The following RBFOX1 variants were observed in gnomAD, a reference collection of about 807,000 sequenced individuals.
The protein encoded by RBFOX1 is RNA binding fox-1 homolog 1.
RBFOX1 carries 8 observed loss-of-function variants against 57.7 expected under a neutral mutation model. The ratio of observed to expected loss-of-function variants is 0.14; its 90% confidence interval spans 0.08 to 0.25. RBFOX1 has a LOEUF of 0.25. Among genes scored for constraint, RBFOX1 ranks in the 10% least tolerant of loss-of-function variants. The pLI, the probability that RBFOX1 is intolerant of heterozygous loss-of-function variation, is 1.00. For synonymous variants in RBFOX1, 326 were observed against 222.4 expected, an observed-to-expected ratio of 1.47 and a Z score of -4.15; for missense variants, 611 against 548.5, an observed-to-expected ratio of 1.11 and a Z score of -1.14.
At chr16:7,636,389 A>C (rs1181792692) in intron 11 of RBFOX1, among the ~76,000 whole-genome samples, 1 of 152,216 alleles carries the variant, frequency 6.6e-6, no homozygotes, top group Admixed American at 6.5e-5. Context: ...TTGAATTTCC[A>C]GTATACATCT....
At chr16:6,767,195 C>G (rs1001314800) in intron 3 of RBFOX1, among the ~76,000 whole-genome samples, 6 of 152,110 alleles carry the variant, frequency 3.9e-5, no homozygotes, top group African/African-American at 1.4e-4. Flanking sequence ...GGAACCTAAA[C>G]CTAGCCAGCT....
chr16:7,044,128 C>G (rs889275061), intron 3 of RBFOX1, among the ~76,000 whole-genome samples: 1 of 151,986 alleles, frequency 6.6e-6, no homozygotes, highest in Non-Finnish European at 1.5e-5. Context: ...GCACTTAGGA[C>G]AGTGTCTGAC....
intron 3 of RBFOX1, among the ~76,000 whole-genome samples, chr16:6,895,456 A>G (rs761868035): frequency 0.017 from 1,313 of 79,242 alleles, 6 homozygotes; most frequent in Non-Finnish European, 0.021. Context: ...GTGTATATAT[A>G]TATATATATA....
At chr16:7,101,204 C>T (rs1174072060) in intron 4 of RBFOX1, among the ~76,000 whole-genome samples, 1 of 152,136 alleles carries the variant, frequency 6.6e-6, no homozygotes, top group Non-Finnish European at 1.5e-5. Context: ...ATGCAGGCCC[C>T]ATTTTTGTGA....
chr16:7,653,237 A>G (rs542308630), intron 11 of RBFOX1, among the ~76,000 whole-genome samples: 3 of 152,204 alleles, frequency 2.0e-5, no homozygotes, highest in Non-Finnish European at 4.4e-5. Flanking sequence ...TGGTTGGTCC[A>G]TAACTGTAAT....
intron 1 of RBFOX1, among the ~76,000 whole-genome samples, chr16:6,284,411 A>G (rs1456593616): frequency 2.6e-5 from 4 of 152,124 alleles, no homozygotes; most frequent in South Asian, 2.1e-4. Context: ...TGAGGCCCTC[A>G]CATATAATAT....
chr16:6,988,698 G>A (rs1188409845), intron 3 of RBFOX1, among the ~76,000 whole-genome samples: 1 of 149,854 alleles, frequency 6.7e-6, no homozygotes, highest in East Asian at 1.9e-4. Flanking sequence ...CTGAGCAGCT[G>A]GGATTACAGG....
At chr16:7,008,429 A>T (rs564374013) in intron 3 of RBFOX1, among the ~76,000 whole-genome samples, 6 of 151,894 alleles carry the variant, frequency 4.0e-5, no homozygotes, top group Admixed American at 2.0e-4. Flanking sequence ...AATTCCAGAC[A>T]CTCAGAAGTC....
At chr16:5,459,906 T>G (rs545166065) in intron 1 of RBFOX1, among the ~76,000 whole-genome samples, 1 of 152,244 alleles carries the variant, frequency 6.6e-6, no homozygotes, top group Non-Finnish European at 1.5e-5. Context: ...CACCTTAATC[T>G]TCACTGCCTC....
intron 5 of RBFOX1, among the ~76,000 whole-genome samples, chr16:7,549,511 GGTCGT>G (rs2085665671): frequency 6.6e-6 from 1 of 152,138 alleles, no homozygotes; most frequent in African/African-American, 2.4e-5. Flanking sequence ...GATTACAATA[GGTCGT>G]CTGCAAGCTG....
chr16:6,967,756 G>C (rs1275948450), intron 3 of RBFOX1, among the ~76,000 whole-genome samples: 1 of 152,134 alleles, frequency 6.6e-6, no homozygotes, highest in South Asian at 2.1e-4. Flanking sequence ...TGCCCGTGCA[G>C]CTGTGGGACC....
At chr16:7,232,714 G>C (rs2093570681) in intron 4 of RBFOX1, among the ~76,000 whole-genome samples, 1 of 152,014 alleles carries the variant, frequency 6.6e-6, no homozygotes, top group South Asian at 2.1e-4. Flanking sequence ...GGTGGTGCAT[G>C]CCTGTAGTCC....
intron 2 of RBFOX1, among the ~76,000 whole-genome samples, chr16:6,332,509 C>T (rs1003201777): frequency 1.3e-5 from 2 of 152,206 alleles, no homozygotes; most frequent in African/African-American, 4.8e-5. Flanking sequence ...GGAGACATGA[C>T]TGACTGTGAC....
At chr16:5,444,337 G>A (rs2068176590) in intron 1 of RBFOX1, among the ~76,000 whole-genome samples, 1 of 152,216 alleles carries the variant, frequency 6.6e-6, no homozygotes, top group Non-Finnish European at 1.5e-5. Flanking sequence ...TTAGTTGTCA[G>A]TGGGTCATAA....
intron 3 of RBFOX1, among the ~76,000 whole-genome samples, chr16:5,697,625 C>T (rs371515289): frequency 3.3e-5 from 5 of 151,116 alleles, no homozygotes; most frequent in African/African-American, 9.7e-5. Context: ...CCTCTGCTTC[C>T]CAGGTTCAAG....
At chr16:7,405,305 G>T (rs1040138117) in intron 4 of RBFOX1, among the ~76,000 whole-genome samples, 18 of 152,198 alleles carry the variant, frequency 1.2e-4, no homozygotes, top group South Asian at 2.1e-4. Context: ...TAGCCCCCCC[G>T]CTGCAAACCT....
intron 3 of RBFOX1, among the ~76,000 whole-genome samples, chr16:6,794,079 G>T (rs1327821880): frequency 6.6e-6 from 1 of 152,066 alleles, no homozygotes; most frequent in African/African-American, 2.4e-5. Flanking sequence ...AATAACATCT[G>T]AAATGACTGA....
At chr16:7,219,815 T>A (rs1402018214) in intron 4 of RBFOX1, among the ~76,000 whole-genome samples, 1 of 152,226 alleles carries the variant, frequency 6.6e-6, no homozygotes, top group Non-Finnish European at 1.5e-5. Flanking sequence ...TATGAAAGCA[T>A]GACCTTCCAC....
chr16:6,425,881 A>G (rs1364832603), intron 2 of RBFOX1, among the ~76,000 whole-genome samples: 1 of 152,188 alleles, frequency 6.6e-6, no homozygotes, highest in Non-Finnish European at 1.5e-5. Flanking sequence ...TGTCAAGTGT[A>G]CAATTCCGTG....
Sources: allele counts gnomAD v4.1 joint callset (sites outside exome capture counted in the v4.1 genomes callset), GRCh38; gene constraint gnomAD v4.1.1; transcripts MANE v1.5; gene names NCBI Gene and HGNC (gene_info 2026-07-23, HGNC 2026-07-21).